The following MTARC1 variants were observed in gnomAD, a reference collection of about 807,000 sequenced individuals.
MTARC1 encodes the protein mitochondrial amidoxime reducing component 1.
MTARC1 carries 24 observed loss-of-function variants against 33.6 expected under a neutral mutation model. That is an observed-to-expected ratio of 0.72 (90% CI 0.52 to 1.01). The LOEUF (loss-of-function observed/expected upper bound fraction) is 1.01. Ranked by LOEUF, MTARC1 falls within the 50% of genes least tolerant of loss-of-function variation. The pLI is 0.00. For synonymous variants in MTARC1, 187 were observed against 189.5 expected (o/e 0.99, Z 0.11); for missense variants, 417 against 445.7 (o/e 0.94, Z 0.58).
intron 4 of MTARC1, 192 bp downstream of exon 4, chr1:220,798,206 T>C (rs746360822): frequency 1.3e-6 from 2 of 1,517,768 alleles, no homozygotes; most frequent in Non-Finnish European, 1.8e-6. Context: ...CAAATGTTGA[T>C]GGGTCAGAGA....
chr1:220,811,675 A>G (rs953250825), intron 6 of MTARC1, among the ~76,000 whole-genome samples: 1 of 152,252 alleles, frequency 6.6e-6, no homozygotes, highest in Non-Finnish European at 1.5e-5. Flanking sequence ...AGATTAAATA[A>G]AAAACTGAAG....
chr1:220,801,832 C>T (rs927124883), intron 4 of MTARC1, among the ~76,000 whole-genome samples: 1 of 152,086 alleles, frequency 6.6e-6, no homozygotes, highest in Non-Finnish European at 1.5e-5. Flanking sequence ...ATGGAAGTTT[C>T]TGGAAAGCAG....
At position 220,796,715 on chromosome 1, in the gene MTARC1, G is replaced by C; in HGVS notation, c.522G>C (p.Lys174Asn). 6.2e-7 allele frequency: 1 copy of C among 1,613,116 alleles called. No individual in the cohort carries two copies. The highest frequency in any genetic ancestry group is 8.5e-7 in the Non-Finnish European group (1 of 1,179,638). ...ATAQWITSFL[K>N]SQPYRLVHFE... ...CCCAGTGGATAACCAGCTTCCTGAA[G>C]TCACAGCCCTACCGCCTGGTGCACT... is the stretch of plus-strand genomic sequence containing the variant. The change falls in exon 3 of 7, where the codon AAG becomes AAC. Residue 174 changes from lysine to asparagine, a missense_variant. By Grantham distance (94) the Lys-to-Asn change is moderately conservative. Coordinates refer to ENST00000366910, the MANE Select transcript of MTARC1 (RefSeq NM_022746.4).
At chr1:220,798,677 T>C (rs1672695437) in intron 4 of MTARC1, 4 of 802,268 alleles carry the variant, frequency 5.0e-6, no homozygotes, top group Non-Finnish European at 6.0e-6. Context: ...CCTAGAGGCA[T>C]GGTGAGTGGC....
intron 4 of MTARC1, chr1:220,798,293 A>G (rs1672685995): frequency 2.3e-6 from 3 of 1,321,692 alleles, no homozygotes; most frequent in Non-Finnish European, 2.9e-6. Context: ...GTTGAGTCAC[A>G]TTTTCTTGCA....
intron 4 of MTARC1, among the ~76,000 whole-genome samples, chr1:220,799,909 G>T (rs1672734624): frequency 1.3e-5 from 2 of 152,208 alleles, no homozygotes; most frequent in South Asian, 4.1e-4. Flanking sequence ...GAGAATCAAG[G>T]TCGATGACAA....
intron 6 of MTARC1, among the ~76,000 whole-genome samples, chr1:220,807,329 T>A (rs1398769339): frequency 3.3e-5 from 5 of 152,172 alleles, no homozygotes; most frequent in Non-Finnish European, 5.9e-5. Flanking sequence ...ATGCCTGTAA[T>A]CCCAGCACTT....
chr1:220,810,177 C>T (rs1448142215), intron 6 of MTARC1, among the ~76,000 whole-genome samples: 1 of 151,980 alleles, frequency 6.6e-6, no homozygotes, highest in African/African-American at 2.4e-5. Context: ...TTATTAATAC[C>T]AACAGGAATA....
In MTARC1 at chr1:220,818,177, G is replaced by A. The variant is rs761851747; in HGVS notation, c.*4759G>A. The stretch of plus-strand genomic sequence containing the variant: ...TAAAAAAGTCCCTGAGGCATCCCTT[G>A]GTCTGCTCTGACCACACTCTCTTCA... On this transcript the variant is annotated 3_prime_UTR_variant, in exon 7 of 7. Coordinates refer to ENST00000366910, the MANE Select transcript of MTARC1 (RefSeq NM_022746.4). 1.3e-5 allele frequency: 2 copies of A among 152,156 alleles called. No individual in the cohort carries two copies. Among genetic ancestry groups the A allele is most frequent in the Non-Finnish European group, 2.9e-5 (2 of 68,050 alleles). 9.4% of individuals were successfully genotyped at this position (152,156 alleles called of 1,614,324 possible).
intron 3 of MTARC1, 84 bp from the exon 4 acceptor site, chr1:220,797,790 G>C: frequency 7.7e-7 from 1 of 1,292,910 alleles, no homozygotes; most frequent in Non-Finnish European, 1.1e-6. Context: ...GTGGAGCATG[G>C]AGGCTATGTC....
rs910995207 is a variant in MTARC1 at position 220,814,957 on chromosome 1, C to T, written c.*1539C>T. 77 of 152,222 alleles carry T rather than the reference C, an allele frequency of 5.1e-4. No homozygotes were observed. Among genetic ancestry groups the T allele is most frequent in the African/African-American group, 1.7e-3 (72 of 41,462 alleles). The allele number at this position is 152,222 out of a possible 1,614,324, so 9.4% of individuals were successfully genotyped here. A position where few individuals can be genotyped will look rare whatever the true frequency, so the allele number is the denominator to read the frequency against. ...TGATTTTATAAAAGAGGTCAGTAAT[C>T]GCTGAAATCTAGCTGAGCCCTGAAG... On this transcript the variant is annotated 3_prime_UTR_variant, in exon 7 of 7. Transcript: ENST00000366910.
intron 4 of MTARC1, among the ~76,000 whole-genome samples, chr1:220,802,424 C>A (rs1275152005): frequency 1.3e-5 from 2 of 152,216 alleles, no homozygotes; most frequent in Non-Finnish European, 2.9e-5. Context: ...CTCCGCCTCC[C>A]GGATTCAAGC....
At position 220,813,361 on chromosome 1, in the gene MTARC1, G is replaced by A; in HGVS notation, c.957G>A (p.Val319=). ...GKSPLFGQYF[V]LENPGTIKVG... ...CACCACTCTTTGGGCAGTATTTTGT[G>A]CTGGAAAACCCAGGGACCATCAAAG... is the stretch of plus-strand genomic sequence containing the variant. The change falls in exon 7 of 7, where the codon GTG becomes GTA. Residue 319 remains valine (V), a synonymous_variant. Transcript: ENST00000366910. The A allele has an allele frequency of 6.2e-7, 1 of 1,614,148 alleles. No individual in the cohort carries two copies. The highest frequency in any genetic ancestry group is 8.5e-7 in the Non-Finnish European group (1 of 1,180,022).
chr1:220,786,952 C>A lies in MTARC1; in HGVS notation c.8C>A (p.Ala3Asp), dbSNP rs1016864486. ...CTCGCGGAGAAGCCAGCCATGGGCG[C>A]CGCCGGCTCCTCCGCGCTGGCGCGC... is the stretch of plus-strand genomic sequence containing the variant. MG[A>D]AGSSALARFV... Residue 3 changes from alanine to aspartate, a missense_variant, in exon 1 of 7, where the codon GCC (alanine) becomes GAC (aspartate). Transcript: ENST00000366910. 2.4e-6 allele frequency: 3 copies of A among 1,241,468 alleles called. No homozygotes were observed. In the African/African-American group the frequency reaches 4.7e-5, roughly 19 times the overall value. 76.9% of individuals were successfully genotyped at this position (1,241,468 alleles called of 1,614,324 possible).
rs1242186735 is a variant in MTARC1, at chr1:220,796,640, C to T, written c.450-3C>T. The T allele has an allele frequency of 6.3e-7, 1 of 1,583,528 alleles. No homozygotes were observed. Among genetic ancestry groups the T allele is most frequent in the Admixed American group, 1.9e-5 (1 of 53,098 alleles). On this transcript the variant is annotated splice_polypyrimidine_tract_variant and splice_region_variant and intron_variant, in intron 2 of 6. Coordinates refer to ENST00000366910, the MANE Select transcript of MTARC1 (RefSeq NM_022746.4). ...CTGCCCTTTGCTCCTGCTACCCCTG[C>T]AGAGTGCACGGCCTGGAGATAGAGG...
At chr1:220,804,968 T>C (rs1672926453) in intron 4 of MTARC1, 84 bp from the exon 5 acceptor site, 2 of 1,435,428 alleles carry the variant, frequency 1.4e-6, no homozygotes, top group East Asian at 2.3e-5. Context: ...CATCGTTAGG[T>C]GCGAGGGCTC....
At chr1:220,798,169 T>G in intron 4 of MTARC1, 155 bp downstream of exon 4, 1 of 1,582,156 alleles carries the variant, frequency 6.3e-7, no homozygotes, top group Non-Finnish European at 8.6e-7. Context: ...CAGCACTTAA[T>G]AAGTGCAGAC....
intron 1 of MTARC1, 111 bp from the exon 2 acceptor site, chr1:220,791,380 A>G: frequency 8.4e-7 from 1 of 1,196,784 alleles, no homozygotes; most frequent in Non-Finnish European, 1.2e-6. Flanking sequence ...CACACACACC[A>G]GGCTTATGGG....
At chr1:220,791,213 A>G (rs949970341) in intron 1 of MTARC1, 1 of 255,942 alleles carries the variant, frequency 3.9e-6, no homozygotes, top group Non-Finnish European at 7.5e-6. Flanking sequence ...AGATGAAAAT[A>G]TAATTAACAT....
Sources: gnomAD v4.1 joint callset for allele counts (sites outside exome capture counted in the v4.1 genomes callset) on GRCh38, gnomAD v4.1.1 for gene constraint, MANE v1.5 for transcripts, NCBI Gene and HGNC (gene_info 2026-07-23, HGNC 2026-07-21) for gene names.